The following HTR1F variants were observed in gnomAD, a reference collection of about 807,000 sequenced individuals.
The protein encoded by HTR1F is 5-hydroxytryptamine (serotonin) receptor 1F, G protein-coupled.
A neutral mutation model predicts 24.0 loss-of-function variants in HTR1F; 17 were observed. The ratio of observed to expected loss-of-function variants is 0.71; its 90% CI spans 0.48 to 1.06. The LOEUF (loss-of-function observed/expected upper bound fraction) is 1.06, where lower values mean the gene tolerates loss of function less well. Ranked by LOEUF, HTR1F falls within the 50% of genes least tolerant of loss-of-function variation. The pLI is 0.00. For missense variants in HTR1F, 391 were observed against 427.8 expected (o/e 0.91, Z 0.76); for synonymous variants, 186 against 156.8 (o/e 1.19, Z -1.39).
rs544722874 is a variant in HTR1F, at chr3:87,903,839, G to A, written c.-43+81715G>A. On this transcript the variant is annotated intron_variant, in intron 2 of 2. Coordinates refer to ENST00000319595, the MANE Select transcript of HTR1F (RefSeq NM_001322209.2). ...ATGCATGCACACATATGTTTATTGC[G>A]GCACTATTCACAATAGCAAAGACTT... is the stretch of plus-strand genomic sequence containing the variant. Among the ~76,000 whole-genome samples the A allele has an allele frequency of 8.5e-5, 13 of 152,152 alleles. No homozygotes were observed. The South Asian group carries it at 1.2e-3, about 15-fold the overall frequency.
chr3:87,812,737 A>T (rs1168518130), intron 1 of HTR1F, among the ~76,000 whole-genome samples: 2 of 152,190 alleles, frequency 1.3e-5, no homozygotes, highest in Non-Finnish European at 2.9e-5. Context: ...GGGCCTGGCC[A>T]AGGGCCACTC....
intron 2 of HTR1F, among the ~76,000 whole-genome samples, chr3:87,861,015 G>A (rs1705307558): frequency 6.6e-6 from 1 of 152,080 alleles, no homozygotes; most frequent in Non-Finnish European, 1.5e-5. Flanking sequence ...AAATAAGCCA[G>A]GCATGGTGGC....
In HTR1F at chr3:87,942,390, A is replaced by T. The variant is rs1310539202; in HGVS notation, c.-42-48318A>T. ...AAGGCCGCACCTGTGTCCAGGAGACAGTTAACCTCCTGGCCCTCAATGGTC... is the reference window on the plus strand; with the variant it reads ...AAGGCCGCACCTGTGTCCAGGAGACTGTTAACCTCCTGGCCCTCAATGGTC... On this transcript the variant is annotated intron_variant, in intron 2 of 2. Transcript: ENST00000319595. Among the ~76,000 whole-genome samples the T allele has an allele frequency of 1.2e-4, 18 of 152,084 alleles. 1 individual carries two copies.
Position 87,839,415 on chromosome 3 carries a change from G to A in HTR1F, c.-43+17291G>A, listed in dbSNP as rs558973574. Among the ~76,000 whole-genome samples the A allele has an allele frequency of 2.0e-5, 3 of 152,120 alleles. No homozygotes were observed. In the East Asian group the frequency reaches 5.8e-4, roughly 29 times the overall value. On this transcript the variant is annotated intron_variant, in intron 2 of 2. Coordinates refer to ENST00000319595, the MANE Select transcript of HTR1F (RefSeq NM_001322209.2). Reference sequence around the variant, plus strand: ...TCTGTATTCTGTCCCATTGTTCTGTGTGTCTGTTTTTATGCCAGTACCATG... The same window carrying A: ...TCTGTATTCTGTCCCATTGTTCTGTATGTCTGTTTTTATGCCAGTACCATG...
intron 2 of HTR1F, among the ~76,000 whole-genome samples, chr3:87,955,824 C>G (rs1704931367): frequency 6.6e-6 from 1 of 151,278 alleles, no homozygotes; most frequent in African/African-American, 2.4e-5. Flanking sequence ...TTGGACTATT[C>G]AAATATCTTC....
chr3:87,902,460 G>C (rs1706346527), intron 2 of HTR1F, among the ~76,000 whole-genome samples: 1 of 152,050 alleles, frequency 6.6e-6, no homozygotes, highest in Non-Finnish European at 1.5e-5. Context: ...TAGGAATAAA[G>C]CATCTAGAAG....
At chr3:87,904,125 C>G (rs370123619) in intron 2 of HTR1F, among the ~76,000 whole-genome samples, 27 of 152,154 alleles carry the variant, frequency 1.8e-4, no homozygotes, top group African/African-American at 6.0e-4. Flanking sequence ...AAAACGTTTA[C>G]AACATCATTA....
rs896215725 is a variant in HTR1F at position 87,971,138 on chromosome 3, G to C, written c.-42-19570G>C. ...ATACATGCTCACATATTCACCAGCT[G>C]TAAATTTACTTCCTTCACTTACCTT... On this transcript the variant is annotated intron_variant, in intron 2 of 2. Coordinates refer to ENST00000319595, the MANE Select transcript of HTR1F (RefSeq NM_001322209.2). Among the ~76,000 whole-genome samples the C allele has an allele frequency of 2.0e-5, 3 of 152,162 alleles. No individual in the cohort carries two copies. The East Asian group carries it at 5.8e-4, about 29-fold the overall frequency.
At chr3:87,933,561 C>G in intron 2 of HTR1F, among the ~76,000 whole-genome samples, 1 of 149,066 alleles carries the variant, frequency 6.7e-6, no homozygotes, top group South Asian at 2.1e-4. Context: ...ACACCAATAA[C>G]AGACAAACAG....
At chr3:87,809,324 C>A (rs1704123524) in intron 1 of HTR1F, among the ~76,000 whole-genome samples, 1 of 151,764 alleles carries the variant, frequency 6.6e-6, no homozygotes, top group Non-Finnish European at 1.5e-5. Flanking sequence ...ATCGTGCAAA[C>A]CAAATAGTGT....
At chr3:87,845,897 G>A (rs1320107335) in intron 2 of HTR1F, among the ~76,000 whole-genome samples, 1 of 151,794 alleles carries the variant, frequency 6.6e-6, no homozygotes, top group Non-Finnish European at 1.5e-5. Flanking sequence ...TCACAAATTT[G>A]TCCATTGGAT....
chr3:87,940,994 C>T (rs1440072394), intron 2 of HTR1F, among the ~76,000 whole-genome samples: 1 of 152,228 alleles, frequency 6.6e-6, no homozygotes, highest in Non-Finnish European at 1.5e-5. Context: ...GCCACTACAT[C>T]AATTTCCTTA....
At chr3:87,884,733 G>A (rs1256487721) in intron 2 of HTR1F, among the ~76,000 whole-genome samples, 3 of 152,030 alleles carry the variant, frequency 2.0e-5, no homozygotes, top group African/African-American at 4.8e-5. Flanking sequence ...AACCAACAAA[G>A]ATCAAAAGGG....
At position 87,969,760 on chromosome 3, in the gene HTR1F, G is replaced by A. The variant is rs185685242; in HGVS notation, c.-42-20948G>A. ...ATGTGAGGACATGAGATTGGGAGGG[G>A]CCAGGGTGGAATAATATGGTTTGGC... On this transcript the variant is annotated intron_variant, in intron 2 of 2. Coordinates refer to ENST00000319595, the MANE Select transcript of HTR1F (RefSeq NM_001322209.2). Among the ~76,000 whole-genome samples, 728 of 152,246 alleles carry A rather than the reference G, an allele frequency of 4.8e-3. 6 individuals are homozygous for A. Among genetic ancestry groups the A allele is most frequent in the African/African-American group, 0.017 (700 of 41,550 alleles).
chr3:87,965,636 A>G (rs1473349578), intron 2 of HTR1F, among the ~76,000 whole-genome samples: 2 of 152,198 alleles, frequency 1.3e-5, no homozygotes, highest in African/African-American at 4.8e-5. Context: ...TCTTTAGGAT[A>G]ATAACTGGCG....
At chr3:87,841,927 A>G (rs1172279540) in intron 2 of HTR1F, among the ~76,000 whole-genome samples, 2 of 150,592 alleles carry the variant, frequency 1.3e-5, no homozygotes, top group Non-Finnish European at 3.0e-5. Context: ...GAAAAAGAAA[A>G]AAAAAAAAAA....
At chr3:87,919,469 A>G (rs1389521711) in intron 2 of HTR1F, among the ~76,000 whole-genome samples, 1 of 152,142 alleles carries the variant, frequency 6.6e-6, no homozygotes, top group Non-Finnish European at 1.5e-5. Flanking sequence ...TTCACAATCT[A>G]TACATCTGAC....
chr3:87,920,033 A>T (rs945445896), intron 2 of HTR1F, among the ~76,000 whole-genome samples: 1 of 147,456 alleles, frequency 6.8e-6, no homozygotes, highest in Non-Finnish European at 1.5e-5. Context: ...GTAATATTAT[A>T]TATATATATA....
chr3:87,974,604 T>C (rs1467895982), intron 2 of HTR1F, among the ~76,000 whole-genome samples: 2 of 152,196 alleles, frequency 1.3e-5, no homozygotes, highest in Non-Finnish European at 2.9e-5. Flanking sequence ...TCTCATCATA[T>C]TGCAGTGATT....
Sources: gnomAD v4.1 joint callset for allele counts (sites outside exome capture counted in the v4.1 genomes callset) on GRCh38, gnomAD v4.1.1 for gene constraint, MANE v1.5 for transcripts, NCBI Gene and HGNC (gene_info 2026-07-23, HGNC 2026-07-21) for gene names.